The following LRRC4C variants were observed in gnomAD, a reference collection of about 807,000 sequenced individuals.
LRRC4C encodes the protein leucine rich repeat containing 4C.
Under a neutral mutation model 33.6 loss-of-function variants are expected in LRRC4C, and 5 were observed. The observed-to-expected ratio is 0.15, with a 90% CI of 0.08 to 0.31. The LOEUF is 0.31. LRRC4C is among the 10% of genes least tolerant of loss of function. LRRC4C has a pLI of 1.00. For synonymous variants in LRRC4C, 329 were observed against 302.0 expected, an observed-to-expected ratio of 1.09 and a Z score of -0.93; for missense variants, 560 against 796.7, an observed-to-expected ratio of 0.70 and a Z score of 3.58.
intron 1 of LRRC4C, among the ~76,000 whole-genome samples, chr11:41,161,873 T>C (rs192845007): frequency 1.4e-4 from 22 of 152,308 alleles, no homozygotes; most frequent in African/African-American, 5.3e-4. Flanking sequence ...AGGTAATGAG[T>C]AACAACACCT....
chr11:41,275,396 A>G (rs908526753), intron 1 of LRRC4C, among the ~76,000 whole-genome samples: 22 of 152,138 alleles, frequency 1.4e-4, no homozygotes, highest in Admixed American at 3.3e-4. Flanking sequence ...TTGCAACTCT[A>G]TTCAAACAAA....
intron 1 of LRRC4C, among the ~76,000 whole-genome samples, chr11:41,069,370 T>C (rs1938509480): frequency 1.3e-5 from 2 of 152,214 alleles, no homozygotes; most frequent in Admixed American, 1.3e-4. Flanking sequence ...AAGACAAGGA[T>C]GCCCTCTCTC....
intron 1 of LRRC4C, among the ~76,000 whole-genome samples, chr11:41,077,672 T>A (rs1939257375): frequency 6.6e-6 from 1 of 152,168 alleles, no homozygotes; most frequent in Non-Finnish European, 1.5e-5. Context: ...TGTGAAGAAC[T>A]CTAACATTTC....
At chr11:40,452,040 C>A (rs1951911427) in intron 3 of LRRC4C, among the ~76,000 whole-genome samples, 2 of 152,118 alleles carry the variant, frequency 1.3e-5, no homozygotes, top group Admixed American at 6.6e-5. Flanking sequence ...AATTCCCTTT[C>A]CTAGCCAAGG....
chr11:40,743,910 T>C (rs1948287886), intron 2 of LRRC4C, among the ~76,000 whole-genome samples: 2 of 152,132 alleles, frequency 1.3e-5, no homozygotes, highest in South Asian at 4.1e-4. Context: ...ATGTCTTCTA[T>C]CTGGAATGCT....
chr11:40,850,982 A>T (rs889561980), intron 2 of LRRC4C, among the ~76,000 whole-genome samples: 1 of 151,844 alleles, frequency 6.6e-6, no homozygotes, highest in African/African-American at 2.4e-5. Flanking sequence ...ACCTCCCCCC[A>T]CCAAGCTGGA....
At chr11:40,750,075 C>G (rs919487499) in intron 2 of LRRC4C, among the ~76,000 whole-genome samples, 2 of 151,762 alleles carry the variant, frequency 1.3e-5, no homozygotes, top group African/African-American at 4.8e-5. Context: ...ACAAAAACTA[C>G]CTAGGCAGTA....
intron 3 of LRRC4C, among the ~76,000 whole-genome samples, chr11:40,428,860 C>T (rs759644681): frequency 3.9e-5 from 6 of 152,126 alleles, no homozygotes; most frequent in Non-Finnish European, 8.8e-5. Flanking sequence ...AATTTAAGAG[C>T]TCTGTTCCCA....
At chr11:40,910,976 C>T (rs575578644) in intron 2 of LRRC4C, among the ~76,000 whole-genome samples, 8 of 152,202 alleles carry the variant, frequency 5.3e-5, no homozygotes, top group Non-Finnish European at 1.0e-4. Context: ...GATCAAACTG[C>T]AAGGCAGCAG....
Position 40,233,461 on chromosome 11 carries a change from T to A in LRRC4C, c.-96+8058A>T, listed in dbSNP as rs774505514. Among the ~76,000 whole-genome samples the A allele has an allele frequency of 5.6e-4, 86 of 152,304 alleles. 1 individual carries two copies. The highest frequency in any genetic ancestry group is 1.8e-3 in the Admixed American group (28 of 15,296). ...TATATAGCACATTCAATAAATACTG[T>A]TAATCAGCTGATCAAATACAGTTAT... On this transcript the variant is annotated intron_variant, in intron 5 of 6. Transcript: ENST00000528697.
intron 1 of LRRC4C, among the ~76,000 whole-genome samples, chr11:41,074,706 C>T (rs1340830644): frequency 2.0e-5 from 3 of 152,164 alleles, no homozygotes; most frequent in African/African-American, 7.2e-5. Context: ...TTTGGAATTA[C>T]ATCTGGAGTC....
At chr11:40,160,446 T>C (rs1176390242) in intron 5 of LRRC4C, among the ~76,000 whole-genome samples, 2 of 152,088 alleles carry the variant, frequency 1.3e-5, no homozygotes, top group African/African-American at 4.8e-5. Context: ...CTGAAAAATT[T>C]CGAGGGCATG....
At chr11:40,828,152 T>TACAC (rs57515808) in intron 2 of LRRC4C, among the ~76,000 whole-genome samples, 22,647 of 146,748 alleles carry the variant, frequency 0.15, 1,939 homozygotes, top group African/African-American at 0.23. Flanking sequence ...TATACAAACA[T>TACAC]ACACACACAC....
intron 3 of LRRC4C, among the ~76,000 whole-genome samples, chr11:40,411,705 C>T (rs1950162212): frequency 6.6e-6 from 1 of 151,998 alleles, no homozygotes; most frequent in African/African-American, 2.4e-5. Context: ...TGTAAGATTA[C>T]TGTAATTATA....
At chr11:40,547,932 G>A (rs1269357625) in intron 3 of LRRC4C, among the ~76,000 whole-genome samples, 4 of 152,164 alleles carry the variant, frequency 2.6e-5, no homozygotes, top group Admixed American at 1.3e-4. Context: ...TGATTGGAGC[G>A]AGCTCTGAAC....
chr11:40,973,495 G>T (rs1222763631), intron 1 of LRRC4C, among the ~76,000 whole-genome samples: 1 of 152,146 alleles, frequency 6.6e-6, no homozygotes, highest in African/African-American at 2.4e-5. Context: ...TGGCTCTGGA[G>T]CCCACAGAAA....
At chr11:41,236,714 T>A (rs1014136436) in intron 1 of LRRC4C, among the ~76,000 whole-genome samples, 3 of 152,094 alleles carry the variant, frequency 2.0e-5, no homozygotes, top group East Asian at 1.9e-4. Context: ...AAAAGAAAAA[T>A]GTTAAGTTTT....
chr11:40,237,219 C>A (rs949707979), intron 5 of LRRC4C, among the ~76,000 whole-genome samples: 1 of 152,168 alleles, frequency 6.6e-6, no homozygotes, highest in Non-Finnish European at 1.5e-5. Flanking sequence ...AAAGTGCAAT[C>A]TAGTTGGAAG....
At chr11:40,130,425 G>T (rs1163827428) in intron 6 of LRRC4C, among the ~76,000 whole-genome samples, 1 of 151,928 alleles carries the variant, frequency 6.6e-6, no homozygotes, top group Non-Finnish European at 1.5e-5. Flanking sequence ...ATCTCCACAA[G>T]TGGTCTTTTC....
Sources: gnomAD v4.1 joint callset for allele counts (sites outside exome capture counted in the v4.1 genomes callset) on GRCh38, gnomAD v4.1.1 for gene constraint, MANE v1.5 for transcripts, NCBI Gene and HGNC (gene_info 2026-07-23, HGNC 2026-07-21) for gene names.